Variants in PCCB observed in about 807,000 individuals in gnomAD.
The protein encoded by PCCB is propionyl-CoA carboxylase beta chain, mitochondrial.
PCCB carries 43 observed loss-of-function variants against 60.7 expected under a neutral mutation model. The observed-to-expected ratio is 0.71, with a 90% CI of 0.55 to 0.91. The LOEUF (loss-of-function observed/expected upper bound fraction) is 0.91, where lower values mean the gene tolerates loss of function less well. Ranked by LOEUF, PCCB falls within the 40% of genes least tolerant of loss-of-function variation. The pLI, the probability that PCCB is intolerant of heterozygous loss-of-function variation, is 0.00. For synonymous variants in PCCB, 276 were observed against 255.9 expected, an observed-to-expected ratio of 1.08 and a Z score of -0.75; for missense variants, 766 against 702.8, an observed-to-expected ratio of 1.09 and a Z score of -1.02.
intron 5 of PCCB, among the ~76,000 whole-genome samples, chr3:136,266,057 C>T (rs1941974458): frequency 6.6e-6 from 1 of 151,800 alleles, no homozygotes; most frequent in Non-Finnish European, 1.5e-5. Flanking sequence ...GATCTCCTGA[C>T]CTCGTGATCT....
At chr3:136,318,122 A>AG (rs1344329527) in intron 10 of PCCB, among the ~76,000 whole-genome samples, 1 of 152,214 alleles carries the variant, frequency 6.6e-6, no homozygotes, top group Non-Finnish European at 1.5e-5. Context: ...GTGGATCACG[A>AG]GGTCTGGAGT....
intron 10 of PCCB, among the ~76,000 whole-genome samples, chr3:136,325,003 C>T (rs1935252041): frequency 6.6e-6 from 1 of 152,178 alleles, no homozygotes; most frequent in Non-Finnish European, 1.5e-5. Context: ...AGCAATTCTC[C>T]TGCCTCAGCC....
Position 136,264,440 on chromosome 3 carries a change from G to GTATATATATATATATATA in PCCB, c.543+2382_543+2383insATATATATATATATATAT, listed in dbSNP as rs370057075. ...CTGTCTCTCATATATATGTGTGTGTGTATATATGTATATATATATATGTTC... is the reference window on the plus strand; with the variant it reads ...CTGTCTCTCATATATATGTGTGTGTGTATATATATATATATATATATATATGTATATATATATATGTTC... On this transcript the variant is annotated intron_variant, in intron 5 of 14. Transcript: ENST00000251654. 3.2e-4 allele frequency among the ~76,000 whole-genome samples: 40 copies of GTATATATATATATATATA among 123,776 alleles called. 1 individual carries two copies. Among genetic ancestry groups the GTATATATATATATATATA allele is most frequent in the African/African-American group, 1.2e-3 (40 of 33,020 alleles). The allele number at this position is 123,776 out of a possible 152,430, so 81.2% of individuals were successfully genotyped here.
At position 136,260,520 on chromosome 3, in the gene PCCB, C is replaced by G. The variant is rs781142631; in HGVS notation, c.414C>G (p.Ala138=). ...GAGGCAGTCTGTCAGGAGCACATGC[C>G]CAAAAGATCTGCAAAGTAAGTGTTT... is the stretch of plus-strand genomic sequence containing the variant. The part of the protein sequence containing the change: ...VFGGSLSGAH[A]QKICKIMDQA... The change falls in exon 4 of 15, where the codon GCC becomes GCG. Residue 138 remains alanine (A), a synonymous_variant. Transcript: ENST00000251654. 6.8e-6 allele frequency: 11 copies of G among 1,613,086 alleles called. No homozygotes were observed. In the East Asian group the frequency reaches 8.9e-5, roughly 13 times the overall value.
chr3:136,301,021 T>C lies in PCCB; in HGVS notation c.885-9T>C, dbSNP rs1256615884. ...ATGTTGACTATACCTGCCTTTTTTC[T>C]GCCTAAAGTGACCGTCTGGTTCCTG... is the stretch of plus-strand genomic sequence containing the variant. On this transcript the variant is annotated splice_polypyrimidine_tract_variant and intron_variant, in intron 8 of 14. Transcript: ENST00000251654. The C allele has an allele frequency of 1.2e-6, 2 of 1,613,230 alleles. No homozygotes were observed. Among genetic ancestry groups the C allele is most frequent in the South Asian group, 2.2e-5 (2 of 91,058 alleles).
rs868848342 is a variant in PCCB at position 136,273,602 on chromosome 3, T to C, written c.544-10235T>C. On this transcript the variant is annotated intron_variant, in intron 5 of 14. Coordinates refer to ENST00000251654, the MANE Select transcript of PCCB (RefSeq NM_000532.5). ...TCTTTTTTTTTTTCTTTTTTCTTTT[T>C]TTTTTTTTTTTTTTTTTACTGTTGT... Among the ~76,000 whole-genome samples the C allele has an allele frequency of 8.1e-4, 111 of 137,644 alleles. 1 individual carries two copies. Among genetic ancestry groups the C allele is most frequent in the South Asian group, 7.0e-3 (31 of 4,420 alleles). 90.3% of individuals were successfully genotyped at this position (137,644 alleles called of 152,430 possible).
At chr3:136,254,770 C>T (rs376649920) in intron 1 of PCCB, among the ~76,000 whole-genome samples, 3 of 148,284 alleles carry the variant, frequency 2.0e-5, no homozygotes, top group South Asian at 2.2e-4. Flanking sequence ...TGGGCTCAAG[C>T]GATGCTCGTC....
intron 13 of PCCB, 60 bp from the exon 14 acceptor site, chr3:136,328,691 AATGAGTT>A: frequency 1.6e-6 from 2 of 1,253,924 alleles, no homozygotes; most frequent in Non-Finnish European, 2.3e-6. Context: ...ACACAGTGAT[AATGAGTT>A]GAAGGAGATC....
chr3:136,290,806 G>A (rs899822436), intron 6 of PCCB, among the ~76,000 whole-genome samples: 4 of 148,900 alleles, frequency 2.7e-5, no homozygotes, highest in South Asian at 2.1e-4. Flanking sequence ...TTCTCTTTCT[G>A]CTCCTTCTGG....
intron 3 of PCCB, among the ~76,000 whole-genome samples, chr3:136,258,812 G>C (rs1941746313): frequency 6.6e-6 from 1 of 151,984 alleles, no homozygotes. Flanking sequence ...GCTTCTAACA[G>C]AGACTTCTGT....
intron 8 of PCCB, among the ~76,000 whole-genome samples, chr3:136,298,810 C>T (rs1004118105): frequency 6.6e-6 from 1 of 152,216 alleles, no homozygotes; most frequent in African/African-American, 2.4e-5. Context: ...GGACTTTCTT[C>T]TGCAGAAGGG....
rs533101847 is a variant in PCCB at position 136,275,801 on chromosome 3, C to T, written c.544-8036C>T. Among the ~76,000 whole-genome samples the T allele has an allele frequency of 2.6e-5, 4 of 152,180 alleles. No homozygotes were observed. The East Asian group carries it at 5.8e-4, about 22-fold the overall frequency. ...ATTTATTTTTGTTGAGATGGCGTCT[C>T]GCTCTGTCACTCAGGCTGGAGTGCA... On this transcript the variant is annotated intron_variant, in intron 5 of 14. Transcript: ENST00000251654.
chr3:136,298,210 A>T, intron 8 of PCCB, 138 bp downstream of exon 8: 1 of 1,029,380 alleles, frequency 9.7e-7, no homozygotes, highest in South Asian at 1.3e-5. Context: ...TGTGGGGATG[A>T]TGTCATGTTT....
At chr3:136,260,673 G>T in intron 4 of PCCB, 138 bp downstream of exon 4, 1 of 741,108 alleles carries the variant, frequency 1.3e-6, no homozygotes, top group Non-Finnish European at 2.4e-6. Context: ...CCAACCCGAA[G>T]GGGTGCATAA....
At chr3:136,290,671 G>GTTTTTGTTTTT (rs1276235479) in intron 6 of PCCB, among the ~76,000 whole-genome samples, 1 of 60,050 alleles carries the variant, frequency 1.7e-5, no homozygotes, top group Admixed American at 3.0e-4. Flanking sequence ...TCTCTGTGTA[G>GTTTTTGTTTTT]TTTTTTTTTT....
intron 10 of PCCB, among the ~76,000 whole-genome samples, chr3:136,325,135 C>T (rs1349109352): frequency 6.6e-6 from 1 of 152,112 alleles, no homozygotes; most frequent in East Asian, 1.9e-4. Context: ...GGTGATCCGC[C>T]CACCTTGGCC....
At chr3:136,260,092 G>T in intron 3 of PCCB, 1 of 288,202 alleles carries the variant, frequency 3.5e-6, no homozygotes, top group South Asian at 3.6e-5. Context: ...GTTTTGTTTT[G>T]AGACAGGGTC....
Position 136,298,080 on chromosome 3 carries a change from G to A in PCCB, c.884+8G>A, listed in dbSNP as rs187345727. 3 of 1,614,084 alleles carry A rather than the reference G, an allele frequency of 1.9e-6. No homozygotes were observed. In the Admixed American group the frequency reaches 5.0e-5, roughly 27 times the overall value. On this transcript the variant is annotated splice_region_variant and intron_variant, in intron 8 of 14. Coordinates refer to ENST00000251654, the MANE Select transcript of PCCB (RefSeq NM_000532.5). ...TGAGTGCCACGATCCCAGGTGGGTT[G>A]TAGGCCGGTGCACCTTCTCTCATTT... is the stretch of plus-strand genomic sequence containing the variant.
At chr3:136,299,992 A>G (rs950851895) in intron 8 of PCCB, among the ~76,000 whole-genome samples, 1 of 151,834 alleles carries the variant, frequency 6.6e-6, no homozygotes, top group Non-Finnish European at 1.5e-5. Flanking sequence ...GCATGTGTAT[A>G]TATGCATACC....
Sources: allele counts gnomAD v4.1 joint callset (sites outside exome capture counted in the v4.1 genomes callset), GRCh38; gene constraint gnomAD v4.1.1; transcripts MANE v1.5; gene names NCBI Gene and HGNC (gene_info 2026-07-23, HGNC 2026-07-21).